The following ABI3BP variants were observed in gnomAD, a reference collection of about 807,000 sequenced individuals.
ABI3BP encodes ABI family member 3 binding protein, also known as target of Nesh-SH3.
ABI3BP carries 216 observed loss-of-function variants against 268.6 expected under a neutral mutation model. The ratio of observed to expected loss-of-function variants is 0.80; its 90% CI spans 0.72 to 0.90. The LOEUF (loss-of-function observed/expected upper bound fraction) is 0.90. Among genes scored for constraint, ABI3BP ranks in the 40% least tolerant of loss-of-function variants. ABI3BP has a pLI of 0.00. For synonymous variants in ABI3BP, 730 were observed against 730.0 expected, an observed-to-expected ratio of 1.00 and a Z score of 0.00; for missense variants, 2,090 against 2,182.4, an observed-to-expected ratio of 0.96 and a Z score of 0.84.
At chr3:100,854,723 AGTT>A (rs1246848209) in intron 14 of ABI3BP, among the ~76,000 whole-genome samples, 6 of 152,258 alleles carry the variant, frequency 3.9e-5, no homozygotes, top group Admixed American at 3.3e-4. Context: ...TGGGACCAAA[AGTT>A]GTAGGTTAAA....
At chr3:100,909,312 G>T (rs1045585404) in intron 2 of ABI3BP, among the ~76,000 whole-genome samples, 2 of 151,630 alleles carry the variant, frequency 1.3e-5, no homozygotes, top group African/African-American at 4.9e-5. Context: ...AACCCTAGAA[G>T]AAAACCGAGG....
At chr3:100,785,651 T>C (rs1305968541) in intron 57 of ABI3BP, among the ~76,000 whole-genome samples, 1 of 152,206 alleles carries the variant, frequency 6.6e-6, no homozygotes, top group African/African-American at 2.4e-5. Context: ...TGCTGTACTC[T>C]CCATCTTAGG....
intron 20 of ABI3BP, chr3:100,843,632 AGT>A: frequency 1.0e-6 from 1 of 983,892 alleles, no homozygotes; most frequent in East Asian, 1.1e-4. Context: ...TGTGAGAGAG[AGT>A]GTGTGAGAAA....
chr3:100,991,913 C>T (rs1489393509), intron 1 of ABI3BP, among the ~76,000 whole-genome samples: 1 of 152,042 alleles, frequency 6.6e-6, no homozygotes, highest in East Asian at 1.9e-4. Context: ...CATCCCTATG[C>T]AATGAATAAA....
intron 2 of ABI3BP, chr3:100,911,219 T>C (rs1413646753): frequency 2.7e-6 from 1 of 372,088 alleles, no homozygotes; most frequent in Non-Finnish European, 5.1e-6. Context: ...TGTTCTACCA[T>C]TAAGGTCAGT....
At chr3:100,840,002 A>G in intron 23 of ABI3BP, 70 bp downstream of exon 23, 1 of 1,297,924 alleles carries the variant, frequency 7.7e-7, no homozygotes, top group Non-Finnish European at 1.1e-6. Flanking sequence ...TTGCTCAAGT[A>G]GCTGATATCA....
intron 2 of ABI3BP, among the ~76,000 whole-genome samples, chr3:100,912,936 T>A (rs2057287554): frequency 6.6e-6 from 1 of 152,162 alleles, no homozygotes; most frequent in South Asian, 2.1e-4. Context: ...CTGCTGTAGA[T>A]GGGTCCCCTG....
chr3:100,810,439 T>C lies in ABI3BP; in HGVS notation c.3580A>G (p.Ser1194Gly). ...PLPSQSITLP[S>G]PDEPQTEPAP... The stretch of plus-strand genomic sequence containing the variant: ...GGTTCAGTCTGAGGCTCATCTGGGC[T>C]GGGTAGGGTTATAGATTGAGAAGGC... The change falls in exon 49 of 68, where the codon AGC (serine) becomes GGC (glycine). Residue 1194 changes from serine to glycine, a missense_variant. Physicochemically the swap from Ser to Gly is moderately conservative, Grantham distance 56. Transcript: ENST00000471714. 3 of 1,534,988 alleles carry C rather than the reference T, an allele frequency of 2.0e-6. No homozygotes were observed. Among genetic ancestry groups the C allele is most frequent in the Non-Finnish European group, 2.6e-6 (3 of 1,146,112 alleles).
chr3:100,966,728 C>A (rs76688042), intron 1 of ABI3BP, among the ~76,000 whole-genome samples: 2 of 152,100 alleles, frequency 1.3e-5, no homozygotes, highest in African/African-American at 4.8e-5. Context: ...ACACATGAAA[C>A]AGATTAATGT....
At chr3:100,844,553 T>A in intron 20 of ABI3BP, 1 of 665,082 alleles carries the variant, frequency 1.5e-6, no homozygotes, top group Non-Finnish European at 1.9e-6. Flanking sequence ...AAGCTTTGGG[T>A]GGTGTATTTG....
chr3:100,826,821 T>C (rs2098394916), intron 34 of ABI3BP, among the ~76,000 whole-genome samples: 2 of 152,102 alleles, frequency 1.3e-5, no homozygotes, highest in South Asian at 4.1e-4. Flanking sequence ...AAACATGATC[T>C]AGTGTGGAAG....
intron 55 of ABI3BP, 97 bp downstream of exon 55, chr3:100,792,594 C>A (rs1255090754): frequency 8.2e-7 from 1 of 1,222,038 alleles, no homozygotes; most frequent in East Asian, 2.4e-5. Flanking sequence ...GTCAAGTAAT[C>A]CACTGTGTTG....
At chr3:100,753,916 AAGATGATGGGGG>A (rs1429169428) in intron 64 of ABI3BP, 68 bp from the exon 65 acceptor site, 1 of 1,467,068 alleles carries the variant, frequency 6.8e-7, no homozygotes, top group Non-Finnish European at 9.4e-7. Context: ...TGGCATGGTG[AAGATGATGGGGG>A]CTTACACTTG....
chr3:100,862,945 G>A (rs558600608), intron 12 of ABI3BP, 36 bp from the exon 13 acceptor site: 2 of 1,432,934 alleles, frequency 1.4e-6, no homozygotes, highest in African/African-American at 1.4e-5. Flanking sequence ...TACGACCTGA[G>A]GTGAAAGTAA....
At chr3:100,940,622 C>T (rs1262510083) in intron 1 of ABI3BP, among the ~76,000 whole-genome samples, 1 of 150,466 alleles carries the variant, frequency 6.6e-6, no homozygotes, top group Non-Finnish European at 1.5e-5. Flanking sequence ...CCATCCTGCC[C>T]TTTTCACTGC....
chr3:100,820,380 T>A, intron 39 of ABI3BP, 77 bp from the exon 40 acceptor site: 1 of 1,167,496 alleles, frequency 8.6e-7, no homozygotes, highest in Non-Finnish European at 1.2e-6. Context: ...CGGTTTGAGA[T>A]CTCTTAAAAC....
Position 100,926,433 on chromosome 3 carries a change from A to G in ABI3BP, c.128T>C (p.Ile43Thr). ...ACTTGGACGCAAGAACTTCAAGAGG[A>G]TGGAGTCACTTGTGGTATTGATGTG... ...KVHINTTSDSILLKFLRPSPN... is the reference protein window; with the variant it reads ...KVHINTTSDSTLLKFLRPSPN... The change falls in exon 2 of 68, where the codon ATC becomes ACC. Residue 43 changes from isoleucine to threonine, a missense_variant. Physicochemically the swap from Ile to Thr is moderately conservative, Grantham distance 89 (BLOSUM62 -1). Transcript: ENST00000471714. 3 of 1,613,408 alleles carry G rather than the reference A, an allele frequency of 1.9e-6. No individual in the cohort carries two copies. Among genetic ancestry groups the G allele is most frequent in the South Asian group, 1.1e-5 (1 of 91,050 alleles).
At chr3:100,958,795 C>T (rs536375197) in intron 1 of ABI3BP, among the ~76,000 whole-genome samples, 2 of 152,238 alleles carry the variant, frequency 1.3e-5, no homozygotes, top group Admixed American at 1.3e-4. Context: ...TTCCTAAAAG[C>T]CTGGAAATGT....
At chr3:100,789,406 A>G (rs775240420) in intron 56 of ABI3BP, 48 bp downstream of exon 56, 12 of 1,555,242 alleles carry the variant, frequency 7.7e-6, no homozygotes, top group Admixed American at 1.9e-5. Flanking sequence ...TCCATTTCAT[A>G]TCTTCCCCTG....
Sources: gnomAD v4.1 joint callset for allele counts (sites outside exome capture counted in the v4.1 genomes callset) on GRCh38, gnomAD v4.1.1 for gene constraint, MANE v1.5 for transcripts, NCBI Gene and HGNC (gene_info 2026-07-23, HGNC 2026-07-21) for gene names.